PDE3A: variants seen among roughly 807,000 people sequenced by gnomAD.
PDE3A encodes the protein cGMP-inhibited 3',5'-cyclic phosphodiesterase 3A.
A neutral mutation model predicts 98.3 loss-of-function variants in PDE3A; 43 were observed. The ratio of observed to expected loss-of-function variants is 0.44; its 90% CI spans 0.34 to 0.56. The LOEUF is 0.56. PDE3A is among the 20% of genes least tolerant of loss of function. The pLI, the probability that PDE3A is intolerant of heterozygous loss-of-function variation, is 0.01. For synonymous variants in PDE3A, 663 were observed against 567.9 expected, an observed-to-expected ratio of 1.17 and a Z score of -2.38; for missense variants, 1,427 against 1,440.7, an observed-to-expected ratio of 0.99 and a Z score of 0.15.
chr12:20,637,326 G>C (rs1944539131), intron 9 of PDE3A, 89 bp downstream of exon 9: 1 of 933,304 alleles, frequency 1.1e-6, no homozygotes, highest in African/African-American at 1.7e-5. Flanking sequence ...GACACTTGTG[G>C]ATAGGTGTTA....
At chr12:20,556,637 T>C in intron 1 of PDE3A, 23 bp from the exon 2 acceptor site, 1 of 1,482,470 alleles carries the variant, frequency 6.7e-7, no homozygotes, top group Non-Finnish European at 9.4e-7. Flanking sequence ...TCATTTAACT[T>C]ATTATAATTT....
rs539110986 is a variant in PDE3A, at chr12:20,552,690, C to A, written c.961-3970C>A. On this transcript the variant is annotated intron_variant, in intron 1 of 15. Transcript: ENST00000359062. The surrounding 1 kb of genome is among the most constrained non-coding windows in gnomAD (Gnocchi z 5.1). ...AGCAGAGCAGCCTCATCAGAGAGGACAAGAGCAACGCCAAGCTGTGGAATG... is the reference window on the plus strand; with the variant it reads ...AGCAGAGCAGCCTCATCAGAGAGGAAAAGAGCAACGCCAAGCTGTGGAATG... 237 of 1,614,004 alleles carry A rather than the reference C, an allele frequency of 1.5e-4. 2 individuals are homozygous for A. In the East Asian group the frequency reaches 5.3e-3, roughly 36 times the overall value.
At chr12:20,637,957 T>C (rs10770680) in intron 9 of PDE3A, among the ~76,000 whole-genome samples, 63,845 of 152,024 alleles carry the variant, frequency 0.42, 13,853 homozygotes, top group East Asian at 0.74. Context: ...GAGGATGGTG[T>C]GATAATATGT....
chr12:20,514,252 A>G (rs575286493), intron 1 of PDE3A, among the ~76,000 whole-genome samples: 3 of 152,226 alleles, frequency 2.0e-5, no homozygotes, highest in Non-Finnish European at 1.5e-5. Flanking sequence ...TTTAGTTTCA[A>G]ATCATCCTAG....
intron 1 of PDE3A, among the ~76,000 whole-genome samples, chr12:20,424,147 C>T (rs1944567538): frequency 6.6e-6 from 1 of 152,138 alleles, no homozygotes; most frequent in Admixed American, 6.5e-5. Flanking sequence ...TTAAAGGATA[C>T]TTCTCAGCTT....
At position 20,665,089 on chromosome 12, in the gene PDE3A, C is replaced by A. The variant is rs575840589; in HGVS notation, c.3184+10884C>A. 7.2e-5 allele frequency among the ~76,000 whole-genome samples: 11 copies of A among 152,254 alleles called. No homozygotes were observed. In the East Asian group the frequency reaches 2.1e-3, roughly 29 times the overall value. Reference sequence around the variant, plus strand: ...CCACCTCCATACAATATTGTACCAACTGGGCCATCTCCCTCCCTTTCTGCT... The same window carrying A: ...CCACCTCCATACAATATTGTACCAAATGGGCCATCTCCCTCCCTTTCTGCT... On this transcript the variant is annotated intron_variant, in intron 15 of 15. Coordinates refer to ENST00000359062, the MANE Select transcript of PDE3A (RefSeq NM_000921.5).
chr12:20,426,573 A>G (rs1349170423), intron 1 of PDE3A, among the ~76,000 whole-genome samples: 1 of 152,184 alleles, frequency 6.6e-6, no homozygotes, highest in Non-Finnish European at 1.5e-5. Flanking sequence ...TGAGAAATGG[A>G]GGAAGTGGGA....
At chr12:20,642,744 A>G (rs1944673373) in intron 10 of PDE3A, among the ~76,000 whole-genome samples, 1 of 152,108 alleles carries the variant, frequency 6.6e-6, no homozygotes, top group Admixed American at 6.6e-5. Context: ...GCTGTACATG[A>G]TGTGCCCACT....
At chr12:20,488,056 A>G (rs1945761893) in intron 1 of PDE3A, among the ~76,000 whole-genome samples, 1 of 152,198 alleles carries the variant, frequency 6.6e-6, no homozygotes, top group African/African-American at 2.4e-5. Context: ...AGCGTTACCC[A>G]GGAGCATTAT....
intron 3 of PDE3A, among the ~76,000 whole-genome samples, chr12:20,614,574 T>TAAAG (rs1045528623): frequency 6.6e-6 from 1 of 152,154 alleles, no homozygotes; most frequent in East Asian, 1.9e-4. Context: ...AATTCCCTGA[T>TAAAG]AAAGATATAC....
intron 1 of PDE3A, among the ~76,000 whole-genome samples, chr12:20,465,543 G>A (rs996602321): frequency 4.0e-5 from 6 of 151,644 alleles, no homozygotes; most frequent in Non-Finnish European, 8.8e-5. Context: ...CCCGAGTAGC[G>A]GGACTACAGG....
chr12:20,549,294 C>G (rs1338796248), intron 1 of PDE3A, among the ~76,000 whole-genome samples: 1 of 149,870 alleles, frequency 6.7e-6, no homozygotes, highest in Non-Finnish European at 1.5e-5. Flanking sequence ...ATCTCCCACT[C>G]TCCACCCCAT....
At chr12:20,666,903 T>C (rs1380523730) in intron 15 of PDE3A, among the ~76,000 whole-genome samples, 1 of 152,182 alleles carries the variant, frequency 6.6e-6, no homozygotes, top group African/African-American at 2.4e-5. Flanking sequence ...AACAGTGTTA[T>C]GAGTTCCCTT....
chr12:20,593,421 A>G (rs1427062233), intron 2 of PDE3A, among the ~76,000 whole-genome samples: 1 of 152,182 alleles, frequency 6.6e-6, no homozygotes, highest in Non-Finnish European at 1.5e-5. Flanking sequence ...GAGCAGCATA[A>G]TAATATCTCT....
chr12:20,563,626 C>T (rs1465709012), intron 2 of PDE3A, among the ~76,000 whole-genome samples: 3 of 152,044 alleles, frequency 2.0e-5, no homozygotes, highest in Non-Finnish European at 2.9e-5. Context: ...AATTGTTTAA[C>T]TTTTGGCAAC....
chr12:20,614,326 C>A (rs1422360830), intron 3 of PDE3A, among the ~76,000 whole-genome samples: 3 of 152,088 alleles, frequency 2.0e-5, no homozygotes, highest in African/African-American at 7.2e-5. Flanking sequence ...GTAGGAGGAT[C>A]CTCACCCAGT....
rs540789651 is a variant in PDE3A at position 20,631,632 on chromosome 12, C to T, written c.1760+1505C>T. On this transcript the variant is annotated intron_variant, in intron 6 of 15. Transcript: ENST00000359062. ...GGTTCCGGACTTTTGGGAAATAAGT[C>T]CCCTAAAGAAAGGAGAGAGATGTTC... Among the ~76,000 whole-genome samples the T allele has an allele frequency of 4.3e-4, 66 of 151,780 alleles. No individual in the cohort carries two copies. The Middle Eastern group carries it at 0.011, about 24-fold the overall frequency.
rs1565480589 is a variant in PDE3A, at chr12:20,684,115, G to A, written c.*3844G>A. On this transcript the variant is annotated 3_prime_UTR_variant, in exon 16 of 16. Coordinates refer to ENST00000359062, the MANE Select transcript of PDE3A (RefSeq NM_000921.5). ...TTTGAAATTATTAATTTATAAAAGT[G>A]AACTAATTGTGTGATTATCAAATCC... 6.6e-6 allele frequency: 1 copy of A among 152,046 alleles called. No homozygotes were observed. The highest frequency in any genetic ancestry group is 1.5e-5 in the Non-Finnish European group (1 of 67,984). 9.4% of individuals were successfully genotyped at this position (152,046 alleles called of 1,614,324 possible).
At chr12:20,389,401 A>G (rs1943872364) in intron 1 of PDE3A, among the ~76,000 whole-genome samples, 1 of 151,944 alleles carries the variant, frequency 6.6e-6, no homozygotes, top group African/African-American at 2.4e-5. Context: ...CAGGTTATTA[A>G]TGGACACAGG....
Sources: gnomAD v4.1 joint callset for allele counts (sites outside exome capture counted in the v4.1 genomes callset) on GRCh38, gnomAD v4.1.1 for gene constraint, Gnocchi (gnomAD v3.1) non-coding constraint, MANE v1.5 for transcripts, NCBI Gene and HGNC (gene_info 2026-07-23, HGNC 2026-07-21) for gene names.